The following DCAF8L2 variants were observed in gnomAD, a reference collection of about 807,000 sequenced individuals.
DCAF8L2 encodes DDB1 and CUL4 associated factor 8 like 2, also known as DDB1- and CUL4-associated factor 8-like protein 2.
For missense variants in DCAF8L2, 430 were observed against 490.7 expected (o/e 0.88, Z 1.17); for synonymous variants, 200 against 190.9 (o/e 1.05, Z -0.39).
chrX:27,635,785 A>T (rs1445717746), intron 2 of DCAF8L2, among the ~76,000 whole-genome samples: 5 of 84,863 alleles, frequency 5.9e-5, no homozygotes, highest in East Asian at 3.5e-4. Context: ...ATTTCCTTTT[A>T]CGTGTGTGTG....
intron 2 of DCAF8L2, among the ~76,000 whole-genome samples, chrX:27,663,988 G>T (rs1227854651): frequency 9.3e-6 from 1 of 107,699 alleles, no homozygotes; most frequent in African/African-American, 3.4e-5. Flanking sequence ...GGGATTACAG[G>T]AGTCAGCCAC....
At chrX:27,520,584 T>C in the DCAF8L2 span, among the ~76,000 whole-genome samples, 1 of 112,012 alleles carries the variant, frequency 8.9e-6, no homozygotes, top group Non-Finnish European at 1.9e-5. Flanking sequence ...GTTGACAGAA[T>C]GAATAATTTC....
chrX:27,593,128 G>A (rs1263507360), intron 1 of DCAF8L2, among the ~76,000 whole-genome samples: 2 of 111,672 alleles, frequency 1.8e-5, no homozygotes, highest in African/African-American at 6.5e-5. Flanking sequence ...GCATAGTTCA[G>A]TGGCATTAAC....
At chrX:27,565,768 C>T in the DCAF8L2 span, among the ~76,000 whole-genome samples, 8 of 110,572 alleles carry the variant, frequency 7.2e-5, no homozygotes, top group African/African-American at 2.3e-4. Flanking sequence ...GTTTAATAAG[C>T]GAAAGAGGGA....
At chrX:27,544,964 C>T in the DCAF8L2 span, among the ~76,000 whole-genome samples, 1 of 112,054 alleles carries the variant, frequency 8.9e-6, no homozygotes, top group Non-Finnish European at 1.9e-5. Context: ...CTTGAATGTC[C>T]TATGCCTTAA....
In DCAF8L2 at chrX:27,638,475, G is replaced by T. The variant is rs1026117493; in HGVS notation, c.-220+6475G>T. 7.2e-5 allele frequency among the ~76,000 whole-genome samples: 8 copies of T among 111,796 alleles called. No homozygotes were observed. In the South Asian group the frequency reaches 1.1e-3, roughly 16 times the overall value. On this transcript the variant is annotated intron_variant, in intron 2 of 4. Coordinates refer to ENST00000451261, the MANE Select transcript of DCAF8L2 (RefSeq NM_001353450.2). Reference sequence around the variant, plus strand: ...TTATTTTAACCTTCATGGCCAGCTGGATTTGCCCTTACTCAGATTATGCTG... The same window carrying T: ...TTATTTTAACCTTCATGGCCAGCTGTATTTGCCCTTACTCAGATTATGCTG...
chrX:27,511,145 A>C, the DCAF8L2 span, among the ~76,000 whole-genome samples: 1 of 111,258 alleles, frequency 9.0e-6, no homozygotes, highest in Non-Finnish European at 1.9e-5. Flanking sequence ...GTACTGTACC[A>C]TACAGTTTTA....
chrX:27,543,009 T>TTTGTTGTTTGTTTTTTTTGTTTTTGTA, the DCAF8L2 span, among the ~76,000 whole-genome samples: 1 of 112,284 alleles, frequency 8.9e-6, no homozygotes, highest in Non-Finnish European at 1.9e-5. Context: ...ACTTGTCAAT[T>TTTGTTGTTTGTTTTTTTTGTTTTTGTA]TTTGTATTTG....
At chrX:27,571,356 T>C in the DCAF8L2 span, among the ~76,000 whole-genome samples, 6 of 111,977 alleles carry the variant, frequency 5.4e-5, no homozygotes, top group African/African-American at 1.9e-4. Flanking sequence ...GTCAGCTCTC[T>C]TCAGAACTAG....
At chrX:27,697,594 A>T (rs988471252) in intron 3 of DCAF8L2, among the ~76,000 whole-genome samples, 3 of 111,675 alleles carry the variant, frequency 2.7e-5, no homozygotes, top group African/African-American at 9.8e-5. Context: ...TAGTTTGTCA[A>T]TTATTCTACT....
chrX:27,741,916 G>A (rs1921873448), intron 4 of DCAF8L2, among the ~76,000 whole-genome samples: 1 of 111,983 alleles, frequency 8.9e-6, no homozygotes, highest in Non-Finnish European at 1.9e-5. Flanking sequence ...AGCTCCAGAT[G>A]AGCACACTCA....
the DCAF8L2 span, among the ~76,000 whole-genome samples, chrX:27,572,617 G>A: frequency 8.9e-6 from 1 of 112,299 alleles, no homozygotes; most frequent in Non-Finnish European, 1.9e-5. Flanking sequence ...CTACAGTGTT[G>A]TGATGGAGAA....
rs769591603 is a variant in DCAF8L2 at position 27,637,308 on chromosome X, A to AT, written c.-220+5311dup. ...AAATTTTCTCCATTGTGGCATCCCTATTTCAGGGATCTCCAGATCACACTA... is the reference window on the plus strand; with the variant it reads ...AAATTTTCTCCATTGTGGCATCCCTATTTTCAGGGATCTCCAGATCACACTA... On this transcript the variant is annotated intron_variant, in intron 2 of 4. Transcript: ENST00000451261. Among the ~76,000 whole-genome samples the AT allele has an allele frequency of 2.3e-4, 26 of 111,985 alleles. No individual in the cohort carries two copies. In the Middle Eastern group the frequency reaches 0.023, roughly 99 times the overall value.
the DCAF8L2 span, among the ~76,000 whole-genome samples, chrX:27,540,675 A>G: frequency 1.8e-5 from 2 of 111,643 alleles, no homozygotes; most frequent in East Asian, 5.6e-4. Flanking sequence ...GATGACTACA[A>G]TAAAAATTTA....
the DCAF8L2 span, among the ~76,000 whole-genome samples, chrX:27,575,945 C>T: frequency 9.0e-6 from 1 of 111,710 alleles, no homozygotes; most frequent in African/African-American, 3.3e-5. Context: ...TAATATTATC[C>T]ATTCTGATGA....
the DCAF8L2 span, among the ~76,000 whole-genome samples, chrX:27,533,207 A>AAAG: frequency 2.0e-5 from 1 of 50,065 alleles, no homozygotes; most frequent in Non-Finnish European, 4.7e-5. Flanking sequence ...AGAAAGAAAG[A>AAAG]AAGAAAGAAA....
chrX:27,605,821 A>T (rs1926839563), intron 1 of DCAF8L2, among the ~76,000 whole-genome samples: 1 of 111,782 alleles, frequency 8.9e-6, no homozygotes, highest in South Asian at 3.7e-4. Flanking sequence ...TGAGAAAAAC[A>T]AGTAGTGAAA....
the DCAF8L2 span, among the ~76,000 whole-genome samples, chrX:27,546,816 C>G: frequency 8.9e-6 from 1 of 112,205 alleles, no homozygotes; most frequent in African/African-American, 3.2e-5. Context: ...AGGCCCTGAG[C>G]TCAGCCCATA....
chrX:27,666,448 C>T lies in DCAF8L2; in HGVS notation c.-219-11388C>T, dbSNP rs1173713274. ...GCCATTTAACCTTCCAAGTAAACAG[C>T]TTACATGATTTTAAGTCAGATCTAT... is the stretch of plus-strand genomic sequence containing the variant. On this transcript the variant is annotated intron_variant, in intron 2 of 4. Coordinates refer to ENST00000451261, the MANE Select transcript of DCAF8L2 (RefSeq NM_001353450.2). Among the ~76,000 whole-genome samples the T allele has an allele frequency of 2.7e-5, 3 of 111,707 alleles. No individual in the cohort carries two copies. In the Admixed American group the frequency reaches 2.9e-4, roughly 11 times the overall value.
Sources: allele counts gnomAD v4.1 joint callset (sites outside exome capture counted in the v4.1 genomes callset), GRCh38; gene constraint gnomAD v4.1.1; transcripts MANE v1.5; gene names NCBI Gene and HGNC (gene_info 2026-07-23, HGNC 2026-07-21).